The following ATP11C variants were observed in gnomAD, a reference collection of about 807,000 sequenced individuals.
ATP11C encodes ATPase phospholipid transporting 11C (ATP11C blood group).
In ATP11C, 36 loss-of-function variants were observed where a neutral mutation model predicts 97.4. That is an observed-to-expected ratio of 0.37 (90% CI 0.28 to 0.49). The LOEUF is 0.49. ATP11C is among the 20% of genes least tolerant of loss of function. ATP11C has a pLI of 0.98. For synonymous variants in ATP11C, 275 were observed against 290.9 expected (o/e 0.95, Z 0.56); for missense variants, 730 against 824.6 (o/e 0.89, Z 1.40).
chrX:139,888,465 CA>C (rs1301060466), intron 1 of ATP11C, among the ~76,000 whole-genome samples: 2 of 110,440 alleles, frequency 1.8e-5, no homozygotes, highest in Non-Finnish European at 3.8e-5. Context: ...CCTGCCAAAT[CA>C]AAAAAATGTT....
intron 11 of ATP11C, 84 bp downstream of exon 11, chrX:139,797,092 G>A: frequency 1.1e-6 from 1 of 894,018 alleles, no homozygotes; most frequent in Non-Finnish European, 1.6e-6. Flanking sequence ...GCTAACAAAA[G>A]GTGCCGTTTC....
At position 139,804,125 on chromosome X, in the gene ATP11C, A is replaced by T. The variant is rs1287893303; in HGVS notation, c.555+346T>A. Among the ~76,000 whole-genome samples, 3 of 111,681 alleles carry T rather than the reference A, an allele frequency of 2.7e-5. No homozygotes were observed. In the East Asian group the frequency reaches 8.4e-4, roughly 31 times the overall value. On this transcript the variant is annotated intron_variant, in intron 6 of 29. Coordinates refer to ENST00000682941, the MANE Select transcript of ATP11C (RefSeq NM_001353812.2). ...ATAGATCAAATTGTAAGGTTAGCAT[A>T]CATGAAGTTATTTGTATAGTCACAC... is the stretch of plus-strand genomic sequence containing the variant.
intron 1 of ATP11C, among the ~76,000 whole-genome samples, chrX:139,834,770 G>T (rs935309868): frequency 1.8e-5 from 2 of 111,930 alleles, no homozygotes; most frequent in Non-Finnish European, 3.8e-5. Context: ...TCCCCAGACT[G>T]AATTACATGG....
chrX:139,922,352 A>G lies in ATP11C; in HGVS notation c.27+9664T>C, dbSNP rs188981085. On this transcript the variant is annotated intron_variant, in intron 1 of 29. Transcript: ENST00000682941. ...TATGTATGGGAAGATTCCTATAGCT[A>G]TTGTTGTGGAGACCTAAAGCCACCT... is the stretch of plus-strand genomic sequence containing the variant. Among the ~76,000 whole-genome samples, 605 of 101,262 alleles carry G rather than the reference A, an allele frequency of 6.0e-3. 10 individuals carry two copies. The highest frequency in any genetic ancestry group is 0.02 in the African/African-American group (553 of 27,802). The allele number at this position is 101,262 out of a possible 115,157, so 87.9% of individuals were successfully genotyped here.
chrX:139,793,665 C>T lies in ATP11C; in HGVS notation c.1206+2608G>A, dbSNP rs1225763267. On this transcript the variant is annotated intron_variant, in intron 12 of 29. Transcript: ENST00000682941. Reference sequence around the variant, plus strand: ...ACTTCAAATATTAACCTTAACGATACCTGCTGCACAAGAATGTAAAGATTA... The same window carrying T: ...ACTTCAAATATTAACCTTAACGATATCTGCTGCACAAGAATGTAAAGATTA... Among the ~76,000 whole-genome samples the T allele has an allele frequency of 2.7e-5, 3 of 111,268 alleles. No homozygotes were observed. In the East Asian group the frequency reaches 8.5e-4, roughly 31 times the overall value.
At chrX:139,891,824 T>G (rs985250252) in intron 1 of ATP11C, among the ~76,000 whole-genome samples, 3 of 111,671 alleles carry the variant, frequency 2.7e-5, no homozygotes, top group Middle Eastern at 4.2e-3. Flanking sequence ...TCTTTTTCAA[T>G]ACAAAGATTT....
intron 1 of ATP11C, among the ~76,000 whole-genome samples, chrX:139,828,025 T>C (rs955284918): frequency 9.0e-6 from 1 of 111,725 alleles, no homozygotes; most frequent in Non-Finnish European, 1.9e-5. Context: ...CCTTCAAAAT[T>C]TGTAGGGAAT....
intron 2 of ATP11C, among the ~76,000 whole-genome samples, chrX:139,823,113 G>A (rs1377188197): frequency 1.8e-5 from 2 of 111,155 alleles, no homozygotes; most frequent in Non-Finnish European, 3.8e-5. Context: ...GGGAGGCTGA[G>A]GCAGGAGAAT....
intron 28 of ATP11C, among the ~76,000 whole-genome samples, chrX:139,732,273 T>C (rs193062892): frequency 7.2e-5 from 8 of 111,114 alleles, no homozygotes; most frequent in African/African-American, 2.6e-4. Flanking sequence ...AGTGTGACAA[T>C]TTGGAAGGTG....
chrX:139,917,245 GA>G (rs2085168506), intron 1 of ATP11C, among the ~76,000 whole-genome samples: 1 of 111,430 alleles, frequency 9.0e-6, no homozygotes, highest in African/African-American at 3.3e-5. Context: ...AAACAGAGGG[GA>G]AAAGACTCAT....
intron 2 of ATP11C, among the ~76,000 whole-genome samples, chrX:139,826,236 A>G (rs981527146): frequency 6.3e-5 from 7 of 110,660 alleles, no homozygotes; most frequent in Non-Finnish European, 1.1e-4. Flanking sequence ...GTCTATTAAT[A>G]CTTGAGAAGT....
intron 19 of ATP11C, among the ~76,000 whole-genome samples, chrX:139,769,281 CAT>C (rs55984113): frequency 0.11 from 2,954 of 27,673 alleles, 81 homozygotes; most frequent in Non-Finnish European, 0.15. Context: ...GGCAAACATA[CAT>C]ATATATATAT....
intron 7 of ATP11C, among the ~76,000 whole-genome samples, chrX:139,801,244 C>CA (rs1468035291): frequency 8.9e-6 from 1 of 112,305 alleles, no homozygotes; most frequent in Non-Finnish European, 1.9e-5. Context: ...ATAGACCTTA[C>CA]ACTCACCTCT....
intron 1 of ATP11C, among the ~76,000 whole-genome samples, chrX:139,851,607 C>T (rs1603401119): frequency 9.0e-6 from 1 of 111,478 alleles, no homozygotes; most frequent in African/African-American, 3.3e-5. Flanking sequence ...TTTACAGCAT[C>T]AGCCTGGGAG....
At position 139,792,626 on chromosome X, in the gene ATP11C, C is replaced by G. The variant is rs182415008; in HGVS notation, c.1207-3138G>C. 2.2e-3 allele frequency among the ~76,000 whole-genome samples: 242 copies of G among 111,121 alleles called. 1 individual carries two copies. Among genetic ancestry groups the G allele is most frequent in the Non-Finnish European group, 4.0e-3 (210 of 53,020 alleles). Reference sequence around the variant, plus strand: ...CTGGAGGATACCCAGCTGGTGTTTGCTGGAGAACTGCTTGCTTGGTGTGTC... The same window carrying G: ...CTGGAGGATACCCAGCTGGTGTTTGGTGGAGAACTGCTTGCTTGGTGTGTC... On this transcript the variant is annotated intron_variant, in intron 12 of 29. Transcript: ENST00000682941.
chrX:139,846,072 A>G (rs1226108195), intron 1 of ATP11C, among the ~76,000 whole-genome samples: 1 of 112,186 alleles, frequency 8.9e-6, no homozygotes. Context: ...CATATTTAAA[A>G]GAAAAGTTGC....
At chrX:139,908,062 T>A (rs2148127187) in intron 1 of ATP11C, among the ~76,000 whole-genome samples, 1 of 111,470 alleles carries the variant, frequency 9.0e-6, no homozygotes, top group African/African-American at 3.3e-5. Context: ...CATCTCCAGA[T>A]CACCTTCATG....
At chrX:139,883,751 A>G (rs1200528543) in intron 1 of ATP11C, among the ~76,000 whole-genome samples, 2 of 111,710 alleles carry the variant, frequency 1.8e-5, no homozygotes, top group East Asian at 5.6e-4. Context: ...AGTAAAATAA[A>G]TTTTACAGAC....
chrX:139,801,541 TG>T (rs1176273403), intron 7 of ATP11C, among the ~76,000 whole-genome samples: 2 of 112,029 alleles, frequency 1.8e-5, no homozygotes, highest in Non-Finnish European at 3.8e-5. Context: ...AGATGGGTAA[TG>T]GATGCCATCT....
Sources: allele counts gnomAD v4.1 joint callset (sites outside exome capture counted in the v4.1 genomes callset), GRCh38; gene constraint gnomAD v4.1.1; transcripts MANE v1.5; gene names NCBI Gene and HGNC (gene_info 2026-07-23, HGNC 2026-07-21).